Variants in CGREF1 observed in about 807,000 individuals in gnomAD.
The protein encoded by CGREF1 is cell growth regulator with EF-hand domain 1, also known as cell growth regulator with EF hand domain protein 1.
A neutral mutation model predicts 17.4 loss-of-function variants in CGREF1; 16 were observed. The observed-to-expected ratio is 0.92, with a 90% CI of 0.62 to 1.40. The LOEUF is 1.40. Ranked by LOEUF, CGREF1 falls within the 40% of genes most tolerant of loss-of-function variation. The pLI, the probability that CGREF1 is intolerant of heterozygous loss-of-function variation, is 0.00. For missense variants in CGREF1, 296 were observed against 376.4 expected (o/e 0.79, Z 1.77); for synonymous variants, 142 against 154.6 (o/e 0.92, Z 0.61).
At chr2:27,099,498 T>C (rs1471216786), downstream of CGREF1, 1 of 1,614,116 alleles carries the variant, frequency 6.2e-7, no homozygotes, top group African/African-American at 1.3e-5. Context: ...ACTCGGATGC[T>C]TTCCCGCCAC....
chr2:27,106,117 A>G (rs1245388988), intron 1 of CGREF1, among the ~76,000 whole-genome samples: 1 of 152,242 alleles, frequency 6.6e-6, no homozygotes, highest in Non-Finnish European at 1.5e-5. Context: ...CAGCCCAGAA[A>G]AAGGATGGAC....
intron 1 of CGREF1, among the ~76,000 whole-genome samples, chr2:27,116,309 C>G (rs1209442696): frequency 1.3e-5 from 2 of 151,156 alleles, no homozygotes; most frequent in Non-Finnish European, 2.9e-5. Context: ...GAAGGATCAC[C>G]TGAGGTCAGG....
At chr2:27,099,579 T>C (rs1670659628), downstream of CGREF1, 1 of 1,613,842 alleles carries the variant, frequency 6.2e-7, no homozygotes, top group Non-Finnish European at 8.5e-7. Flanking sequence ...TCTCCCAGGG[T>C]GAGTATGGCA....
downstream of CGREF1, chr2:27,100,279 G>T: frequency 2.2e-6 from 1 of 446,072 alleles, no homozygotes; most frequent in Non-Finnish European, 4.0e-6. Flanking sequence ...GAGCTGAACT[G>T]ACAGGCCAGT....
chr2:27,118,298 A>G (rs1315626883), intron 1 of CGREF1, among the ~76,000 whole-genome samples: 3 of 152,276 alleles, frequency 2.0e-5, no homozygotes, highest in Middle Eastern at 6.8e-3. Flanking sequence ...TCTCCTGTAG[A>G]GTCGAACTGT....
chr2:27,114,214 C>T (rs1230941494), intron 1 of CGREF1, among the ~76,000 whole-genome samples: 2 of 151,870 alleles, frequency 1.3e-5, no homozygotes, highest in African/African-American at 2.4e-5. Context: ...AGGATGGTCT[C>T]GATCTCTTGA....
chr2:27,109,884 T>TC (rs1671285447), intron 1 of CGREF1, among the ~76,000 whole-genome samples: 1 of 5,342 alleles, frequency 1.9e-4, no homozygotes, highest in Non-Finnish European at 4.2e-4. Context: ...AGACTCCGTC[T>TC]CAAAAAAAAA....
chr2:27,102,837 T>C, intron 2 of CGREF1: 1 of 727,192 alleles, frequency 1.4e-6, no homozygotes, highest in Non-Finnish European at 1.7e-6. Flanking sequence ...ATAAAACAAC[T>C]GGTTAGGTAG....
At chr2:27,099,449 A>T (rs781078287), downstream of CGREF1, 90 of 1,613,682 alleles carry the variant, frequency 5.6e-5, no homozygotes, top group South Asian at 9.4e-4. Flanking sequence ...TGGGCTGAGG[A>T]GGGCGCCGAC....
At chr2:27,115,240 A>G (rs1671529939) in intron 1 of CGREF1, among the ~76,000 whole-genome samples, 1 of 152,136 alleles carries the variant, frequency 6.6e-6, no homozygotes, top group South Asian at 2.1e-4. Context: ...AGCCCTGCAA[A>G]TTATGCACCT....
chr2:27,114,866 C>T (rs1392011779), intron 1 of CGREF1, among the ~76,000 whole-genome samples: 2 of 152,170 alleles, frequency 1.3e-5, no homozygotes, highest in Admixed American at 6.6e-5. Flanking sequence ...TCTCCACAGC[C>T]TGCACTCATG....
downstream of CGREF1, chr2:27,100,370 C>G: frequency 8.3e-7 from 1 of 1,207,848 alleles, no homozygotes; most frequent in African/African-American, 1.6e-5. Flanking sequence ...AATACCTCCT[C>G]CCGCTGACTG....
At chr2:27,102,871 T>C (rs758747912) in intron 2 of CGREF1, 25 of 940,148 alleles carry the variant, frequency 2.7e-5, no homozygotes, top group Admixed American at 1.9e-4. Context: ...CCACACCTAG[T>C]AGACACAAGT....
At chr2:27,114,151 C>T (rs955327502) in intron 1 of CGREF1, among the ~76,000 whole-genome samples, 3 of 152,070 alleles carry the variant, frequency 2.0e-5, no homozygotes, top group Non-Finnish European at 4.4e-5. Flanking sequence ...CACGCCACCA[C>T]ACCCAGCTAA....
At position 27,101,202 on chromosome 2, in the gene CGREF1, A is replaced by AC; in HGVS notation, c.*71dup. 7 of 1,508,530 alleles carry AC rather than the reference A, an allele frequency of 4.6e-6. No homozygotes were observed. In the South Asian group the frequency reaches 9.5e-5, roughly 21 times the overall value. 93.4% of individuals were successfully genotyped at this position (1,508,530 alleles called of 1,614,324 possible). A position where few individuals can be genotyped will look rare whatever the true frequency, so the allele number is the denominator to read the frequency against. On this transcript the variant is annotated 3_prime_UTR_variant, in exon 6 of 6. Coordinates refer to ENST00000402394, the MANE Select transcript of CGREF1 (RefSeq NM_006569.6). The stretch of plus-strand genomic sequence containing the variant: ...ACAGAGATGGTCCTTGTCCCAGCGT[A>AC]CATTTCCCCTGCCCACTTCAGGGCT...
At chr2:27,116,871 T>TTCTCTCTCTCTCTCTCTCTCCCTCTC (rs1671587739) in intron 1 of CGREF1, among the ~76,000 whole-genome samples, 1 of 33,680 alleles carries the variant, frequency 3.0e-5, no homozygotes, top group Non-Finnish European at 5.9e-5. Flanking sequence ...GCCAGGCCTA[T>TTCTCTCTCTCTCTCTCTCTCCCTCTC]TCTCTCTCTC....
At chr2:27,112,456 A>G (rs1228495852) in intron 1 of CGREF1, among the ~76,000 whole-genome samples, 3 of 152,254 alleles carry the variant, frequency 2.0e-5, no homozygotes, top group Non-Finnish European at 4.4e-5. Context: ...TGATAGTCTT[A>G]CAATCACTAA....
At chr2:27,109,333 C>T (rs1671257394) in intron 1 of CGREF1, among the ~76,000 whole-genome samples, 1 of 146,764 alleles carries the variant, frequency 6.8e-6, no homozygotes, top group African/African-American at 2.5e-5. Flanking sequence ...GATCACACCA[C>T]TGTAATCTAG....
chr2:27,106,466 G>A (rs1371437292), intron 1 of CGREF1, among the ~76,000 whole-genome samples: 1 of 152,138 alleles, frequency 6.6e-6, no homozygotes, highest in Admixed American at 6.6e-5. Context: ...ATTCCAAACA[G>A]CTACACTCTG....
Sources: gnomAD v4.1 joint callset for allele counts (sites outside exome capture counted in the v4.1 genomes callset) on GRCh38, gnomAD v4.1.1 for gene constraint, MANE v1.5 for transcripts, NCBI Gene and HGNC (gene_info 2026-07-23, HGNC 2026-07-21) for gene names.